ABLIM1: variants seen among roughly 807,000 people sequenced by gnomAD.
ABLIM1 encodes actin binding LIM protein 1.
ABLIM1 carries 40 observed loss-of-function variants against 107.0 expected under a neutral mutation model. That is an observed-to-expected ratio of 0.37 (90% confidence interval 0.29 to 0.49). The LOEUF (loss-of-function observed/expected upper bound fraction) is 0.49, where lower values mean the gene tolerates loss of function less well. ABLIM1 is among the 20% of genes least tolerant of loss of function. ABLIM1 has a pLI of 0.97. For missense variants in ABLIM1, 857 were observed against 1,008.5 expected, an observed-to-expected ratio of 0.85 and a Z score of 2.04; for synonymous variants, 357 against 357.3, an observed-to-expected ratio of 1.00 and a Z score of 0.01.
intron 1 of ABLIM1, among the ~76,000 whole-genome samples, chr10:114,602,617 C>T (rs2076105076): frequency 6.6e-6 from 1 of 152,232 alleles, no homozygotes; most frequent in African/African-American, 2.4e-5. Flanking sequence ...CTGATACACA[C>T]ACTGCAGGCA....
At chr10:114,665,635 A>G (rs769961889) in intron 1 of ABLIM1, among the ~76,000 whole-genome samples, 55 of 152,364 alleles carry the variant, frequency 3.6e-4, no homozygotes, top group Non-Finnish European at 5.9e-4. Context: ...CTTTCTTTAG[A>G]GTACCAGAAT....
chr10:114,653,859 G>A (rs1349513269), intron 1 of ABLIM1, among the ~76,000 whole-genome samples: 2 of 152,174 alleles, frequency 1.3e-5, no homozygotes, highest in African/African-American at 4.8e-5. Context: ...CATTGCTGTT[G>A]TTAAGTGGGG....
intron 1 of ABLIM1, among the ~76,000 whole-genome samples, chr10:114,657,273 T>C (rs1026528196): frequency 6.6e-6 from 1 of 152,154 alleles, no homozygotes; most frequent in African/African-American, 2.4e-5. Flanking sequence ...CAATTCTAGG[T>C]CTGACTTTGA....
At chr10:114,789,116 G>A in the ABLIM1 span, among the ~76,000 whole-genome samples, 1 of 151,958 alleles carries the variant, frequency 6.6e-6, no homozygotes, top group African/African-American at 2.4e-5. Flanking sequence ...TTAGCCGGGA[G>A]TGATGGCACG....
intron 8 of ABLIM1, among the ~76,000 whole-genome samples, chr10:114,477,575 T>C (rs1267098080): frequency 6.6e-6 from 1 of 152,234 alleles, no homozygotes; most frequent in African/African-American, 2.4e-5. Context: ...TATTTGCTCT[T>C]GTACTGCATG....
intron 12 of ABLIM1, among the ~76,000 whole-genome samples, chr10:114,460,206 G>C (rs1433655825): frequency 2.0e-5 from 3 of 152,334 alleles, no homozygotes; most frequent in African/African-American, 7.2e-5. Flanking sequence ...TCCTAGTGGT[G>C]AGCCCCTGGA....
intron 1 of ABLIM1, among the ~76,000 whole-genome samples, chr10:114,696,802 A>C (rs1436954376): frequency 6.6e-6 from 1 of 152,186 alleles, no homozygotes. Flanking sequence ...CTTTATCAGC[A>C]GTGTGAAAAT....
the ABLIM1 span, among the ~76,000 whole-genome samples, chr10:114,793,630 G>A: frequency 7.1e-3 from 1,076 of 152,210 alleles, 13 homozygotes; most frequent in African/African-American, 0.024. Flanking sequence ...GCTGAGGCTG[G>A]GTGTCCCAAA....
chr10:114,686,403 C>T (rs911105474), upstream of ABLIM1, among the ~76,000 whole-genome samples: 1 of 151,860 alleles, frequency 6.6e-6, no homozygotes, highest in Non-Finnish European at 1.5e-5. Context: ...GTCCTAGCTA[C>T]TCAGGAGGCT....
At chr10:114,748,543 C>A (rs1203623182) in intron 1 of ABLIM1, among the ~76,000 whole-genome samples, 2 of 149,266 alleles carry the variant, frequency 1.3e-5, no homozygotes, top group African/African-American at 4.9e-5. Flanking sequence ...GTATGCATGT[C>A]CAATAAGTTC....
rs770734174 is a variant in ABLIM1 at position 114,658,247 on chromosome 10, A to C, written c.-47T>G. 3.2e-6 allele frequency: 5 copies of C among 1,569,556 alleles called. No homozygotes were observed. The highest frequency in any genetic ancestry group is 3.5e-6 in the Non-Finnish European group (4 of 1,154,202). ...ATGAGAAATGGGGAGTGGGGACCCA[A>C]GGAGCGGTGCTGCCCCACAATTCTC... is the stretch of plus-strand genomic sequence containing the variant. On this transcript the variant is annotated 5_prime_UTR_variant, in exon 1 of 23. Transcript: ENST00000533213.
In ABLIM1 at chr10:114,565,788, C is replaced by CTTTTTTTTTT. The variant is rs577896964; in HGVS notation, c.673+5499_673+5508dup. Among the ~76,000 whole-genome samples the CTTTTTTTTTT allele has an allele frequency of 4.0e-4, 40 of 101,086 alleles. 1 individual carries two copies. Among genetic ancestry groups the CTTTTTTTTTT allele is most frequent in the Non-Finnish European group, 5.3e-4 (27 of 51,098 alleles). 66.3% of individuals were successfully genotyped at this position (101,086 alleles called of 152,430 possible). A position where few individuals can be genotyped will look rare whatever the true frequency, so the allele number is the denominator to read the frequency against. ...CGCGATGCTTTATCTGAAATGATTT[C>CTTTTTTTTTT]TTTTTTTTTTTTTTTTTTTTTTTTG... On this transcript the variant is annotated intron_variant, in intron 4 of 22. Coordinates refer to ENST00000533213, the MANE Select transcript of ABLIM1 (RefSeq NM_002313.7).
chr10:114,773,618 AG>A, the ABLIM1 span, among the ~76,000 whole-genome samples: 3 of 152,266 alleles, frequency 2.0e-5, no homozygotes, highest in African/African-American at 4.8e-5. Context: ...GCTACTCAGG[AG>A]GCTGAGGCAG....
At chr10:114,763,307 C>T (rs895574985) in intron 1 of ABLIM1, among the ~76,000 whole-genome samples, 1 of 151,964 alleles carries the variant, frequency 6.6e-6, no homozygotes, top group African/African-American at 2.4e-5. Context: ...TAATTCCAGC[C>T]TGTTTGAATT....
At chr10:114,474,475 G>A (rs1324224944) in intron 8 of ABLIM1, among the ~76,000 whole-genome samples, 1 of 149,510 alleles carries the variant, frequency 6.7e-6, no homozygotes, top group Non-Finnish European at 1.5e-5. Flanking sequence ...CCGCCTCCCA[G>A]GTTCACACTT....
chr10:114,526,951 C>T, intron 6 of ABLIM1: 1 of 985,470 alleles, frequency 1.0e-6, no homozygotes, highest in East Asian at 1.1e-4. Context: ...TTCAACACAC[C>T]AGCAACCACA....
At chr10:114,723,720 C>T (rs2081899878) in intron 1 of ABLIM1, among the ~76,000 whole-genome samples, 1 of 152,236 alleles carries the variant, frequency 6.6e-6, no homozygotes, top group African/African-American at 2.4e-5. Flanking sequence ...TTTGTCTACA[C>T]AGCACACACT....
intron 1 of ABLIM1, among the ~76,000 whole-genome samples, chr10:114,713,220 T>C (rs542707557): frequency 6.6e-6 from 1 of 152,250 alleles, no homozygotes; most frequent in South Asian, 2.1e-4. Context: ...TGCTACTGTA[T>C]TGTCCTCTTC....
chr10:114,732,186 T>C (rs939946190), intron 1 of ABLIM1, among the ~76,000 whole-genome samples: 12 of 125,116 alleles, frequency 9.6e-5, no homozygotes, highest in African/African-American at 3.6e-4. Flanking sequence ...TTTTCTTTTT[T>C]TTTTTTTTTT....
Sources: allele counts gnomAD v4.1 joint callset (sites outside exome capture counted in the v4.1 genomes callset), GRCh38; gene constraint gnomAD v4.1.1; transcripts MANE v1.5; gene names NCBI Gene and HGNC (gene_info 2026-07-23, HGNC 2026-07-21).